The following TIMP3 variants were observed in gnomAD, a reference collection of about 807,000 sequenced individuals.
TIMP3 encodes TIMP metallopeptidase inhibitor 3.
Under a neutral mutation model 30.0 loss-of-function variants are expected in TIMP3, and 11 were observed. The observed-to-expected ratio is 0.37, with a 90% CI of 0.23 to 0.61. The LOEUF is 0.61. Ranked by LOEUF, TIMP3 falls within the 20% of genes least tolerant of loss-of-function variation. The pLI, the probability that TIMP3 is intolerant of heterozygous loss-of-function variation, is 0.70. For synonymous variants in TIMP3, 112 were observed against 111.3 expected (o/e 1.01, Z -0.04); for missense variants, 181 against 276.8 (o/e 0.65, Z 2.45).
chr22:32,822,179 T>C (rs1430088225), intron 1 of TIMP3, among the ~76,000 whole-genome samples: 5 of 142,440 alleles, frequency 3.5e-5, no homozygotes, highest in Non-Finnish European at 6.1e-5. Context: ...AAAAAAGAAG[T>C]TGGAGCTCTG....
intron 1 of TIMP3, among the ~76,000 whole-genome samples, chr22:32,806,570 T>C (rs1447335490): frequency 6.6e-6 from 1 of 152,204 alleles, no homozygotes; most frequent in East Asian, 1.9e-4. Flanking sequence ...TGAGCTCCAC[T>C]CCTTCCTCTG....
intron 1 of TIMP3, among the ~76,000 whole-genome samples, chr22:32,822,940 CAGAG>C (rs1003652687): frequency 5.2e-5 from 6 of 115,254 alleles, no homozygotes; most frequent in Non-Finnish European, 1.1e-4. Context: ...AAAAAAAAAA[CAGAG>C]AGAGAGAGAT....
intron 1 of TIMP3, among the ~76,000 whole-genome samples, chr22:32,832,528 G>A (rs185725016): frequency 4.0e-5 from 6 of 148,732 alleles, no homozygotes; most frequent in Admixed American, 3.3e-4. Flanking sequence ...TACTTTCTAC[G>A]TAATAAGCCT....
intron 1 of TIMP3, among the ~76,000 whole-genome samples, chr22:32,843,515 C>G (rs538936693): frequency 6.6e-6 from 1 of 152,150 alleles, no homozygotes; most frequent in Admixed American, 6.5e-5. Context: ...ATGAGCACTC[C>G]GGCCTCAGCA....
At chr22:32,812,143 G>A (rs2046932546) in intron 1 of TIMP3, among the ~76,000 whole-genome samples, 2 of 152,314 alleles carry the variant, frequency 1.3e-5, no homozygotes, top group Middle Eastern at 6.8e-3. Context: ...TCTATGTGGT[G>A]TGTATTTCAC....
At chr22:32,842,119 G>C (rs966519704) in intron 1 of TIMP3, among the ~76,000 whole-genome samples, 3 of 152,184 alleles carry the variant, frequency 2.0e-5, no homozygotes, top group African/African-American at 7.2e-5. Flanking sequence ...TTATCTGCTG[G>C]GATGGGAAGT....
intron 1 of TIMP3, among the ~76,000 whole-genome samples, chr22:32,815,765 A>G (rs2047073198): frequency 6.6e-6 from 1 of 152,204 alleles, no homozygotes; most frequent in Non-Finnish European, 1.5e-5. Context: ...CTTACCTAGT[A>G]TGTACCTACA....
At position 32,860,465 on chromosome 22, in the gene TIMP3, A is replaced by C. The variant is rs1026966028; in HGVS notation, c.*1088A>C. On this transcript the variant is annotated 3_prime_UTR_variant, in exon 5 of 5. Coordinates refer to ENST00000266085, the MANE Select transcript of TIMP3 (RefSeq NM_000362.5). Reference sequence around the variant, plus strand: ...CTGTTCAATGCTGTTAAATATGCCAATAGTTTAATCTCTTCTATTTTGTTG... The same window carrying C: ...CTGTTCAATGCTGTTAAATATGCCACTAGTTTAATCTCTTCTATTTTGTTG... 6.5e-6 allele frequency: 1 copy of C among 152,678 alleles called. No homozygotes were observed. The highest frequency in any genetic ancestry group is 6.5e-5 in the Admixed American group (1 of 15,288). 9.5% of individuals were successfully genotyped at this position (152,678 alleles called of 1,614,324 possible).
chr22:32,808,344 T>A (rs1033896017), intron 1 of TIMP3, among the ~76,000 whole-genome samples: 2 of 152,146 alleles, frequency 1.3e-5, no homozygotes, highest in Non-Finnish European at 2.9e-5. Flanking sequence ...TCCCTTCTTG[T>A]TGCCTATGGA....
intron 4 of TIMP3, 47 bp from the exon 5 acceptor site, chr22:32,859,133 C>A (rs1168329614): frequency 6.3e-7 from 1 of 1,598,024 alleles, no homozygotes; most frequent in South Asian, 1.1e-5. Context: ...CAGGCCTGGG[C>A]ATACCATGGC....
intron 1 of TIMP3, among the ~76,000 whole-genome samples, chr22:32,804,740 G>A (rs991913451): frequency 2.6e-5 from 4 of 152,196 alleles, no homozygotes; most frequent in Non-Finnish European, 5.9e-5. Context: ...TCCAGGCCCT[G>A]CACCCTATGG....
At position 32,862,949 on chromosome 22, in the gene TIMP3, G is replaced by A. The variant is rs954950468; in HGVS notation, c.*3572G>A. On this transcript the variant is annotated 3_prime_UTR_variant, in exon 5 of 5. Coordinates refer to ENST00000266085, the MANE Select transcript of TIMP3 (RefSeq NM_000362.5). The stretch of plus-strand genomic sequence containing the variant: ...ATGTTATTTATGAATTTTATATTCC[G>A]TGAATGTATATTGTCTTGTAATGTT... The A allele has an allele frequency of 2.0e-5, 3 of 152,628 alleles. No homozygotes were observed. The highest frequency in any genetic ancestry group is 2.9e-5 in the Non-Finnish European group (2 of 68,032). The allele number at this position is 152,628 out of a possible 1,614,324, so 9.5% of individuals were successfully genotyped here.
intron 4 of TIMP3, among the ~76,000 whole-genome samples, 199 bp downstream of exon 4, chr22:32,858,337 G>A (rs1344688693): frequency 2.6e-5 from 4 of 152,208 alleles, no homozygotes; most frequent in Non-Finnish European, 5.9e-5. Flanking sequence ...AGGGAAGGAA[G>A]AATGCCTTTC....
At chr22:32,830,804 G>A (rs2047551311) in intron 1 of TIMP3, among the ~76,000 whole-genome samples, 1 of 152,182 alleles carries the variant, frequency 6.6e-6, no homozygotes, top group African/African-American at 2.4e-5. Context: ...GTGGCCCCTG[G>A]CTTCTCCCAG....
At chr22:32,810,454 G>A (rs183997968) in intron 1 of TIMP3, among the ~76,000 whole-genome samples, 1 of 151,078 alleles carries the variant, frequency 6.6e-6, no homozygotes, top group Non-Finnish European at 1.5e-5. Flanking sequence ...AAGGAAAGCT[G>A]TACGATCTGG....
chr22:32,803,094 ATCTC>A (rs1002720577), intron 1 of TIMP3, among the ~76,000 whole-genome samples: 6 of 152,110 alleles, frequency 3.9e-5, no homozygotes, highest in Admixed American at 1.3e-4. Flanking sequence ...TCTGGGAAAC[ATCTC>A]TCTCCTCCTT....
chr22:32,814,163 A>G (rs1157985684), intron 1 of TIMP3, among the ~76,000 whole-genome samples: 5 of 124,426 alleles, frequency 4.0e-5, no homozygotes, highest in Non-Finnish European at 6.6e-5. Flanking sequence ...AGAGAGAGAG[A>G]GAGAAAGAGA....
intron 1 of TIMP3, among the ~76,000 whole-genome samples, chr22:32,804,378 G>T (rs1484678826): frequency 6.6e-6 from 1 of 152,164 alleles, no homozygotes; most frequent in Non-Finnish European, 1.5e-5. Context: ...TTCCAGTCTG[G>T]GTTGAAACTG....
intron 2 of TIMP3, among the ~76,000 whole-genome samples, chr22:32,853,302 T>C (rs574364733): frequency 1.6e-3 from 245 of 152,326 alleles, no homozygotes; most frequent in African/African-American, 5.7e-3. Context: ...AGAAAGATCA[T>C]GGCCGTGATA....
Sources: gnomAD v4.1 joint callset for allele counts (sites outside exome capture counted in the v4.1 genomes callset) on GRCh38, gnomAD v4.1.1 for gene constraint, MANE v1.5 for transcripts, NCBI Gene and HGNC (gene_info 2026-07-23, HGNC 2026-07-21) for gene names.